PRDM1: variants seen among roughly 807,000 people sequenced by gnomAD.
PRDM1 encodes PR/SET domain 1, also known as PR domain zinc finger protein 1.
A neutral mutation model predicts 62.8 loss-of-function variants in PRDM1; 13 were observed. The observed-to-expected ratio is 0.21, with a 90% CI of 0.13 to 0.33. PRDM1 has a LOEUF of 0.33. Ranked by LOEUF, PRDM1 falls within the 10% of genes least tolerant of loss-of-function variation. The pLI is 1.00. For synonymous variants in PRDM1, 396 were observed against 417.6 expected (o/e 0.95, Z 0.63); for missense variants, 895 against 1,058.8 (o/e 0.85, Z 2.15).
intron 1 of PRDM1, among the ~76,000 whole-genome samples, chr6:106,021,991 A>G (rs1046793042): frequency 6.6e-6 from 1 of 152,222 alleles, no homozygotes; most frequent in Non-Finnish European, 1.5e-5. Flanking sequence ...TGACAGAGAA[A>G]GTCATTTTAT....
At chr6:106,030,073 G>A (rs1450452120) in intron 1 of PRDM1, among the ~76,000 whole-genome samples, 1 of 152,090 alleles carries the variant, frequency 6.6e-6, no homozygotes, top group African/African-American at 2.4e-5. Context: ...TAAGTTTTGA[G>A]AGTTCTTTAT....
Position 106,088,215 on chromosome 6 carries a change from T to C in PRDM1, c.57T>C (p.Cys19=). The change falls in exon 2 of 7, where the codon TGT becomes TGC. Residue 19 remains cysteine (C), a synonymous_variant. Coordinates refer to ENST00000369096, the MANE Select transcript of PRDM1 (RefSeq NM_001198.4). ...RVGTTLAAPK[C]NSSTVRFQGL... is the part of the protein sequence containing the mutation. ...TTCTCTTCCAGGCTGCCCCCAAGTG[T>C]AACTCCAGCACTGTGAGGTTTCAGG... The C allele has an allele frequency of 6.2e-7, 1 of 1,611,654 alleles. No homozygotes were observed. Among genetic ancestry groups the C allele is most frequent in the Non-Finnish European group, 8.5e-7 (1 of 1,178,830 alleles).
rs960785645 is a variant in PRDM1, at chr6:106,105,719, G to C, written c.1559G>C (p.Gly520Ala). 1 of 1,613,720 alleles carries C rather than the reference G, an allele frequency of 6.2e-7. No individual in the cohort carries two copies. The change falls in exon 5 of 7, where the codon GGA (glycine) becomes GCA (alanine). Residue 520 changes from glycine (G) to alanine (A), a missense_variant. Around this residue, in one of 4 missense-constraint regions of PRDM1, gnomAD observed 444 missense variants for 422.7 expected, o/e 1.05. Coordinates refer to ENST00000369096, the MANE Select transcript of PRDM1 (RefSeq NM_001198.4). ...CCCACAAGCGGGTCTCCCACGGCGG[G>C]AACAGCCGCCACGGCAGAACATGTG... ...CSPTSGSPTAGTAATAEHVVQ... is the reference protein window; with the variant it reads ...CSPTSGSPTAATAATAEHVVQ...
chr6:106,020,489 C>A (rs960603480), intron 1 of PRDM1, among the ~76,000 whole-genome samples: 1 of 152,062 alleles, frequency 6.6e-6, no homozygotes, highest in Non-Finnish European at 1.5e-5. Context: ...CTGACAAACA[C>A]TCAGAGAACT....
chr6:106,079,444 ATAAT>A (rs1244030782), intron 1 of PRDM1, among the ~76,000 whole-genome samples: 1 of 152,250 alleles, frequency 6.6e-6, no homozygotes, highest in Admixed American at 6.5e-5. Flanking sequence ...CAAAAAGCAT[ATAAT>A]TTCATTGATG....
At chr6:106,060,641 G>T (rs544807817) in intron 1 of PRDM1, among the ~76,000 whole-genome samples, 1 of 152,234 alleles carries the variant, frequency 6.6e-6, no homozygotes, top group African/African-American at 2.4e-5. Context: ...AAAAAGTAGG[G>T]CAGTTGTTCA....
intron 2 of PRDM1, among the ~76,000 whole-genome samples, chr6:106,090,709 AAG>A (rs1773939179): frequency 1.3e-5 from 2 of 152,326 alleles, no homozygotes; most frequent in Admixed American, 6.5e-5. Flanking sequence ...TTGAAATAGG[AAG>A]AGTCTTTCTA....
chr6:106,091,737 C>T (rs1349633653), intron 2 of PRDM1, among the ~76,000 whole-genome samples: 1 of 151,738 alleles, frequency 6.6e-6, no homozygotes, highest in East Asian at 1.9e-4. Flanking sequence ...CGTGCCATTG[C>T]ACTCCAGCCC....
chr6:106,032,362 C>T (rs1772856433), intron 1 of PRDM1, among the ~76,000 whole-genome samples: 1 of 141,356 alleles, frequency 7.1e-6, no homozygotes, highest in Non-Finnish European at 1.5e-5. Flanking sequence ...GACAGGGTTT[C>T]ATCACGTTGC....
intron 1 of PRDM1, among the ~76,000 whole-genome samples, chr6:106,074,222 G>A (rs1188326634): frequency 6.6e-6 from 1 of 152,186 alleles, no homozygotes; most frequent in Non-Finnish European, 1.5e-5. Context: ...CAGATGAAAT[G>A]TTGTAGGCCT....
chr6:106,018,361 ACT>A (rs1241874644), intron 1 of PRDM1, among the ~76,000 whole-genome samples: 1 of 152,174 alleles, frequency 6.6e-6, no homozygotes, highest in African/African-American at 2.4e-5. Flanking sequence ...TATTCCCCAC[ACT>A]CAATTTCCCA....
At chr6:105,992,747 C>T (rs1772294746), upstream of PRDM1, among the ~76,000 whole-genome samples, 1 of 152,246 alleles carries the variant, frequency 6.6e-6, no homozygotes, top group African/African-American at 2.4e-5. Flanking sequence ...GCACCTCCCT[C>T]CACTTCAGGT....
chr6:106,055,929 C>T (rs1343089330), intron 1 of PRDM1, among the ~76,000 whole-genome samples: 1 of 152,092 alleles, frequency 6.6e-6, no homozygotes, highest in Non-Finnish European at 1.5e-5. Context: ...TAACAAGATG[C>T]TTTTGACTGA....
chr6:106,020,657 C>T (rs1197137725), intron 1 of PRDM1, among the ~76,000 whole-genome samples: 1 of 152,160 alleles, frequency 6.6e-6, no homozygotes, highest in African/African-American at 2.4e-5. Context: ...TATGCACCCC[C>T]CACCATTTTT....
At chr6:106,074,582 AC>A (rs1218332097) in intron 1 of PRDM1, among the ~76,000 whole-genome samples, 2 of 152,060 alleles carry the variant, frequency 1.3e-5, no homozygotes, top group Non-Finnish European at 2.9e-5. Context: ...ACCAAGTAGA[AC>A]TCTTTGGAGA....
At chr6:106,049,131 T>C (rs1160588319) in intron 1 of PRDM1, among the ~76,000 whole-genome samples, 3 of 152,182 alleles carry the variant, frequency 2.0e-5, no homozygotes, top group Non-Finnish European at 4.4e-5. Context: ...TCCAATTTTA[T>C]ATTAGCACTT....
At chr6:106,076,280 T>G (rs760911000) in intron 1 of PRDM1, among the ~76,000 whole-genome samples, 3 of 152,136 alleles carry the variant, frequency 2.0e-5, no homozygotes, top group Non-Finnish European at 4.4e-5. Flanking sequence ...AAAATCAAAT[T>G]AAAGTATGTA....
At chr6:106,095,498 T>C (rs1052817528) in intron 2 of PRDM1, 117 bp from the exon 3 acceptor site, 2 of 1,194,874 alleles carry the variant, frequency 1.7e-6, no homozygotes, top group Non-Finnish European at 2.3e-6. Context: ...TGTTTACTTA[T>C]CAAAATTTTA....
chr6:106,012,817 A>T (rs1772574285), intron 1 of PRDM1, among the ~76,000 whole-genome samples: 1 of 152,220 alleles, frequency 6.6e-6, no homozygotes, highest in Admixed American at 6.5e-5. Context: ...CTGTCTGAAA[A>T]TGCAGAAAAA....
Sources: allele counts gnomAD v4.1 joint callset (sites outside exome capture counted in the v4.1 genomes callset), GRCh38; gene constraint gnomAD v4.1.1; regional missense constraint gnomAD v4.1.1; transcripts MANE v1.5; gene names NCBI Gene and HGNC (gene_info 2026-07-23, HGNC 2026-07-21).